MYO18B: variants seen among roughly 807,000 people sequenced by gnomAD.
MYO18B encodes unconventional myosin-XVIIIb.
In MYO18B, 204 loss-of-function variants were observed where a neutral mutation model predicts 273.0. That is an observed-to-expected ratio of 0.75 (90% CI 0.67 to 0.84). MYO18B has a LOEUF of 0.84. Ranked by LOEUF, MYO18B falls within the 40% of genes least tolerant of loss-of-function variation. The pLI, the probability that MYO18B is intolerant of heterozygous loss-of-function variation, is 0.00. For synonymous variants in MYO18B, 1,330 were observed against 1,305.7 expected, an observed-to-expected ratio of 1.02 and a Z score of -0.40; for missense variants, 3,212 against 3,287.6, an observed-to-expected ratio of 0.98 and a Z score of 0.56.
rs1379554721 is a variant in MYO18B, at chr22:25,852,845, A to G, written c.3885+1266A>G. On this transcript the variant is annotated intron_variant, in intron 21 of 43. Coordinates refer to ENST00000335473, the MANE Select transcript of MYO18B (RefSeq NM_032608.7). ...GGGGCTGTGTGAATGTAAACTGGTT[A>G]TGTCATCTTTCTGCCTCAGTTTCCT... Among the ~76,000 whole-genome samples, 6 of 152,342 alleles carry G rather than the reference A, an allele frequency of 3.9e-5. No individual in the cohort carries two copies. The South Asian group carries it at 1.0e-3, about 26-fold the overall frequency.
intron 34 of MYO18B, among the ~76,000 whole-genome samples, chr22:25,925,291 C>T (rs1464350522): frequency 6.8e-6 from 1 of 147,230 alleles, no homozygotes; most frequent in Non-Finnish European, 1.5e-5. Context: ...CATTTTTAAA[C>T]AACCACATGA....
intron 21 of MYO18B, among the ~76,000 whole-genome samples, chr22:25,867,619 A>ATTTCTTTCTTTCTTTCTTTCTTTC (rs143349723): frequency 1.3e-5 from 2 of 150,672 alleles, no homozygotes; most frequent in African/African-American, 4.9e-5. Context: ...CAAGACCCTG[A>ATTTCTTTCTTTCTTTCTTTCTTTC]TTTCTTTCTT....
At chr22:25,884,643 C>G (rs556479386) in intron 25 of MYO18B, 1 of 152,218 alleles carries the variant, frequency 6.6e-6, no homozygotes, top group Non-Finnish European at 1.5e-5. Context: ...ATAATCTCTT[C>G]TCTACCTGCC....
rs1351959624 is a variant in MYO18B at position 25,985,377 on chromosome 22, CAAAG to C, written c.6157-6982_6157-6979del. Among the ~76,000 whole-genome samples, 24 of 148,482 alleles carry C rather than the reference CAAAG, an allele frequency of 1.6e-4. No individual in the cohort carries two copies. The East Asian group carries it at 3.4e-3, about 21-fold the overall frequency. On this transcript the variant is annotated intron_variant, in intron 39 of 43. Transcript: ENST00000335473. ...TTCACTCTCAAAGAACAAAACAAAA[CAAAG>C]AAAAAGAAAAAAATAGAATAATGCA...
Position 25,772,424 on chromosome 22 carries a change from T to C in MYO18B, c.1783T>C (p.Tyr595His). 6.2e-7 allele frequency: 1 copy of C among 1,614,022 alleles called. No individual in the cohort carries two copies. The highest frequency in any genetic ancestry group is 8.5e-7 in the Non-Finnish European group (1 of 1,179,890). ...SSVLNTLLQR[Y>H]KAQLLHTCTG... The stretch of plus-strand genomic sequence containing the variant: ...TGTCCTGAACACGCTTCTGCAGCGC[T>C]ACAAAGCTCAGCTGCTGCACACCTG... Residue 595 changes from tyrosine to histidine, a missense_variant, in exon 7 of 44, where the codon TAC (tyrosine) becomes CAC (histidine). By Grantham distance (83) the Tyr-to-His change is moderately conservative. Transcript: ENST00000335473.
chr22:25,853,101 A>G (rs2090470093), intron 21 of MYO18B, among the ~76,000 whole-genome samples: 3 of 152,188 alleles, frequency 2.0e-5, no homozygotes, highest in South Asian at 4.1e-4. Flanking sequence ...GGGACATAGT[A>G]AGGGCTCAAT....
chr22:26,006,247 A>G (rs1934407990), intron 42 of MYO18B: 1 of 153,706 alleles, frequency 6.5e-6, no homozygotes. Flanking sequence ...ACCTGTTTGA[A>G]TGGGAGATGG....
At chr22:25,931,775 C>G (rs1411842736) in intron 34 of MYO18B, among the ~76,000 whole-genome samples, 1 of 144,388 alleles carries the variant, frequency 6.9e-6, no homozygotes, top group Non-Finnish European at 1.5e-5. Context: ...CTCAACATTT[C>G]AGGCTCAAGC....
intron 34 of MYO18B, among the ~76,000 whole-genome samples, chr22:25,929,386 T>A (rs1423179398): frequency 6.6e-6 from 1 of 152,134 alleles, no homozygotes; most frequent in African/African-American, 2.4e-5. Flanking sequence ...ATGTTTCCAC[T>A]GGAAACAAAC....
At chr22:25,990,720 AGAAAAAG>A (rs1245224596) in intron 39 of MYO18B, among the ~76,000 whole-genome samples, 568 of 38,324 alleles carry the variant, frequency 0.015, 1 homozygote, top group African/African-American at 0.028. Flanking sequence ...AAAAAAAAAA[AGAAAAAG>A]AAAAAAAAAA....
At chr22:25,762,910 G>C (rs1207202184) in intron 2 of MYO18B, among the ~76,000 whole-genome samples, 1 of 152,238 alleles carries the variant, frequency 6.6e-6, no homozygotes, top group African/African-American at 2.4e-5. Flanking sequence ...CTAGAAATGG[G>C]CATGTCCCAT....
rs183078391 is a variant in MYO18B, at chr22:25,842,864, G to T, written c.3209-871G>T. Among the ~76,000 whole-genome samples the T allele has an allele frequency of 1.3e-4, 20 of 152,212 alleles. No individual in the cohort carries two copies. The East Asian group carries it at 3.7e-3, about 28-fold the overall frequency. ...GGACTCTGCATGTGCCAAGCATGAT[G>T]CTGGGCACTGGGGATGTGAACATAA... On this transcript the variant is annotated intron_variant, in intron 17 of 43. Transcript: ENST00000335473.
At chr22:26,036,723 T>A in the MYO18B span, among the ~76,000 whole-genome samples, 1 of 152,202 alleles carries the variant, frequency 6.6e-6, no homozygotes, top group Non-Finnish European at 1.5e-5. Flanking sequence ...CCCTTGGTCT[T>A]CCCTTGATCC....
chr22:25,834,257 G>C (rs753759364), intron 16 of MYO18B, among the ~76,000 whole-genome samples: 1 of 151,022 alleles, frequency 6.6e-6, no homozygotes, highest in Non-Finnish European at 1.5e-5. Flanking sequence ...AGCGATTCTC[G>C]TGCCTCAGCC....
intron 39 of MYO18B, among the ~76,000 whole-genome samples, chr22:25,973,410 C>G (rs954221679): frequency 6.6e-6 from 1 of 152,152 alleles, no homozygotes; most frequent in Non-Finnish European, 1.5e-5. Context: ...AGGACAGAAC[C>G]CAGTGGCTCT....
chr22:25,963,178 T>A (rs867730786), intron 39 of MYO18B, among the ~76,000 whole-genome samples: 87 of 144,166 alleles, frequency 6.0e-4, no homozygotes, highest in Middle Eastern at 3.5e-3. Flanking sequence ...TCTCTCTCTC[T>A]CACACACACA....
In MYO18B at chr22:25,775,796, C is replaced by T. The variant is rs116308924; in HGVS notation, c.1870-1787C>T. Among the ~76,000 whole-genome samples the T allele has an allele frequency of 8.0e-3, 1,217 of 152,084 alleles. 17 individuals carry two copies. The highest frequency in any genetic ancestry group is 0.028 in the African/African-American group (1,162 of 41,460). ...CTCATCCAGGCTTGTGGCTTTCAAA[C>T]GCCTCCCGTTCACTGTAATTGAATT... is the stretch of plus-strand genomic sequence containing the variant. On this transcript the variant is annotated intron_variant, in intron 7 of 43. Transcript: ENST00000335473.
the MYO18B span, among the ~76,000 whole-genome samples, chr22:26,062,697 T>G: frequency 6.6e-6 from 1 of 152,148 alleles, no homozygotes; most frequent in African/African-American, 2.4e-5. Flanking sequence ...GGCTAATAGA[T>G]GGAGAAAACA....
intron 39 of MYO18B, among the ~76,000 whole-genome samples, chr22:25,967,419 G>T (rs1169008181): frequency 6.6e-6 from 1 of 152,132 alleles, no homozygotes; most frequent in Non-Finnish European, 1.5e-5. Context: ...AAATCCAGGG[G>T]GCCCCAAATC....
Sources: allele counts gnomAD v4.1 joint callset (sites outside exome capture counted in the v4.1 genomes callset), GRCh38; gene constraint gnomAD v4.1.1; transcripts MANE v1.5; gene names NCBI Gene and HGNC (gene_info 2026-07-23, HGNC 2026-07-21).